The following PMEPA1 variants were observed in gnomAD, a reference collection of about 807,000 sequenced individuals.
PMEPA1 encodes protein TMEPAI.
A neutral mutation model predicts 23.0 loss-of-function variants in PMEPA1; 11 were observed. The observed-to-expected ratio is 0.48, with a 90% CI of 0.30 to 0.79. The LOEUF (loss-of-function observed/expected upper bound fraction) is 0.79. PMEPA1 is among the 30% of genes least tolerant of loss of function. The pLI, the probability that PMEPA1 is intolerant of heterozygous loss-of-function variation, is 0.06. For missense variants in PMEPA1, 377 were observed against 390.9 expected, an observed-to-expected ratio of 0.96 and a Z score of 0.30; for synonymous variants, 204 against 166.4, an observed-to-expected ratio of 1.23 and a Z score of -1.74.
intron 2 of PMEPA1, among the ~76,000 whole-genome samples, chr20:57,658,083 G>A (rs955457072): frequency 5.3e-5 from 8 of 152,210 alleles, no homozygotes; most frequent in South Asian, 4.1e-4. Context: ...CCGAACAGCC[G>A]GGCTTCAGGC....
At chr20:57,692,365 G>C (rs1413327784) in intron 1 of PMEPA1, among the ~76,000 whole-genome samples, 12 of 152,256 alleles carry the variant, frequency 7.9e-5, no homozygotes, top group African/African-American at 1.2e-4. Flanking sequence ...CACCAGGTGT[G>C]GGAAGAGTCA....
At chr20:57,703,896 C>T (rs934323886) in intron 1 of PMEPA1, among the ~76,000 whole-genome samples, 31 of 152,186 alleles carry the variant, frequency 2.0e-4, no homozygotes, top group African/African-American at 7.0e-4. Flanking sequence ...AATCTCTCTG[C>T]ACCCTCAGCA....
intron 1 of PMEPA1, among the ~76,000 whole-genome samples, chr20:57,679,579 C>T (rs1016010400): frequency 7.9e-5 from 12 of 152,332 alleles, no homozygotes; most frequent in African/African-American, 2.9e-4. Flanking sequence ...AGGGAATGGA[C>T]TTACAAGCGC....
intron 1 of PMEPA1, among the ~76,000 whole-genome samples, chr20:57,691,632 G>C (rs2071883296): frequency 6.6e-6 from 1 of 152,124 alleles, no homozygotes; most frequent in Admixed American, 6.5e-5. Context: ...TCATTACTCT[G>C]CTGTTGAGGG....
At chr20:57,677,501 C>T (rs139292116) in intron 1 of PMEPA1, among the ~76,000 whole-genome samples, 2 of 152,202 alleles carry the variant, frequency 1.3e-5, no homozygotes, top group African/African-American at 4.8e-5. Context: ...AAGAAGTGGC[C>T]CTCGATTAAC....
At chr20:57,700,610 C>T (rs559366104) in intron 1 of PMEPA1, among the ~76,000 whole-genome samples, 1 of 152,200 alleles carries the variant, frequency 6.6e-6, no homozygotes, top group Non-Finnish European at 1.5e-5. Context: ...CAACCTTTAT[C>T]CACCATCCAG....
At position 57,652,234 on chromosome 20, in the gene PMEPA1, G is replaced by A. The variant is rs904732414; in HGVS notation, c.683C>T (p.Pro228Leu). The A allele has an allele frequency of 1.9e-6, 3 of 1,607,184 alleles. No individual in the cohort carries two copies. The highest frequency in any genetic ancestry group is 1.7e-4 in the Middle Eastern group (1 of 6,034). The change falls in exon 4 of 4, where the codon CCG becomes CTG. Residue 228 changes from proline (P) to leucine (L), a missense_variant. Physicochemically the swap from Pro to Leu is moderately conservative, Grantham distance 98. Coordinates refer to ENST00000341744, the MANE Select transcript of PMEPA1 (RefSeq NM_020182.5). The surrounding 1 kb of genome is among the most constrained non-coding windows in gnomAD (Gnocchi z 6.1). ...CYGSGGRMEG[P>L]PPTYSEVIGH... ...GATGACCTCGCTGTAGGTGGGCGGC[G>A]GCCCCTCCATGCGCCCGCCGCTGCC... is the stretch of plus-strand genomic sequence containing the variant.
chr20:57,666,687 T>C (rs1445989502), intron 1 of PMEPA1, among the ~76,000 whole-genome samples: 3 of 152,234 alleles, frequency 2.0e-5, no homozygotes, highest in Admixed American at 6.5e-5. Flanking sequence ...ATTCATGGCC[T>C]GTGGTACCCA....
chr20:57,651,835 G>GTTT lies in PMEPA1; in HGVS notation c.*215_*217dup, dbSNP rs752968841. On this transcript the variant is annotated 3_prime_UTR_variant, in exon 4 of 4. Transcript: ENST00000341744. ...AGACACAGCTCAACAAAGAAACGTG[G>GTTT]TTTTTTTTTTTCTTTTTTCTTTTTT... 81 of 305,364 alleles carry GTTT rather than the reference G, an allele frequency of 2.7e-4. No individual in the cohort carries two copies. The highest frequency in any genetic ancestry group is 6.1e-4 in the African/African-American group (26 of 42,860). 18.9% of individuals were successfully genotyped at this position (305,364 alleles called of 1,614,324 possible). A position where few individuals can be genotyped will look rare whatever the true frequency, so the allele number is the denominator to read the frequency against.
At chr20:57,677,464 C>T (rs1360510031) in intron 1 of PMEPA1, among the ~76,000 whole-genome samples, 3 of 152,166 alleles carry the variant, frequency 2.0e-5, no homozygotes, top group South Asian at 2.1e-4. Flanking sequence ...GCGCTGTATC[C>T]GTGAGGGCTA....
intron 1 of PMEPA1, among the ~76,000 whole-genome samples, chr20:57,673,320 G>A (rs771475719): frequency 2.6e-5 from 4 of 152,084 alleles, no homozygotes; most frequent in African/African-American, 4.8e-5. Flanking sequence ...GGCTGTCTCT[G>A]GCAGTTTTAA....
chr20:57,703,872 C>T (rs904166798), intron 1 of PMEPA1, among the ~76,000 whole-genome samples: 2 of 152,170 alleles, frequency 1.3e-5, no homozygotes, highest in Non-Finnish European at 2.9e-5. Flanking sequence ...AGACACTAGG[C>T]CACACACAGC....
At chr20:57,691,210 G>A (rs538070041) in intron 1 of PMEPA1, among the ~76,000 whole-genome samples, 5 of 152,334 alleles carry the variant, frequency 3.3e-5, no homozygotes, top group Non-Finnish European at 2.9e-5. Context: ...CATGAATGGC[G>A]TGAAATATTG....
Position 57,651,066 on chromosome 20 carries a change from G to A in PMEPA1, c.*987C>T, listed in dbSNP as rs916253340. 6.6e-6 allele frequency: 1 copy of A among 152,212 alleles called. No homozygotes were observed. The highest frequency in any genetic ancestry group is 1.5e-5 in the Non-Finnish European group (1 of 68,056). 9.4% of individuals were successfully genotyped at this position (152,212 alleles called of 1,614,324 possible). On this transcript the variant is annotated 3_prime_UTR_variant, in exon 4 of 4. Coordinates refer to ENST00000341744, the MANE Select transcript of PMEPA1 (RefSeq NM_020182.5). ...AAGAAGAGGAAAAACTAATTCCTTC[G>A]GTAACAGTTTATTTTCATTTTTGGG...
At chr20:57,702,678 G>C (rs1287995221) in intron 1 of PMEPA1, among the ~76,000 whole-genome samples, 2 of 152,166 alleles carry the variant, frequency 1.3e-5, no homozygotes, top group Non-Finnish European at 2.9e-5. Context: ...AATCCCAATG[G>C]AGCATCAGTT....
At chr20:57,679,238 G>A (rs1043131480) in intron 1 of PMEPA1, among the ~76,000 whole-genome samples, 3 of 152,216 alleles carry the variant, frequency 2.0e-5, no homozygotes, top group African/African-American at 7.2e-5. Context: ...ACAATGGCAA[G>A]TGCAAATGCC....
chr20:57,663,635 C>T (rs1402475120), intron 1 of PMEPA1, among the ~76,000 whole-genome samples: 1 of 152,230 alleles, frequency 6.6e-6, no homozygotes, highest in African/African-American at 2.4e-5. Flanking sequence ...GGAGGGCTCC[C>T]TGTAAGGTGG....
intron 1 of PMEPA1, among the ~76,000 whole-genome samples, chr20:57,667,698 T>C (rs530406556): frequency 2.2e-4 from 33 of 152,260 alleles, no homozygotes; most frequent in African/African-American, 7.5e-4. Context: ...TTTATGAAAA[T>C]CTAATCTTGT....
rs762939071 is a variant in PMEPA1, at chr20:57,652,236, C to A, written c.681G>T (p.Gly227=). 1 of 1,607,114 alleles carries A rather than the reference C, an allele frequency of 6.2e-7. No homozygotes were observed. Among genetic ancestry groups the A allele is most frequent in the East Asian group, 2.2e-5 (1 of 44,836 alleles). ...TGACCTCGCTGTAGGTGGGCGGCGG[C>A]CCCTCCATGCGCCCGCCGCTGCCGT... ...TCYGSGGRME[G]PPPTYSEVIG... The change falls in exon 4 of 4, where the codon GGG becomes GGT. Residue 227 remains glycine (G), a synonymous_variant. Coordinates refer to ENST00000341744, the MANE Select transcript of PMEPA1 (RefSeq NM_020182.5). The surrounding 1 kb of genome is among the most constrained non-coding windows in gnomAD (Gnocchi z 6.1).
Sources: allele counts gnomAD v4.1 joint callset (sites outside exome capture counted in the v4.1 genomes callset), GRCh38; gene constraint gnomAD v4.1.1; non-coding constraint Gnocchi (gnomAD v3.1); transcripts MANE v1.5; gene names NCBI Gene and HGNC (gene_info 2026-07-23, HGNC 2026-07-21).